IGF2BP2: variants seen among roughly 807,000 people sequenced by gnomAD.
The protein encoded by IGF2BP2 is insulin like growth factor 2 mRNA binding protein 2, also known as insulin-like growth factor 2 mRNA-binding protein 2.
IGF2BP2 carries 17 observed loss-of-function variants against 75.8 expected under a neutral mutation model. The ratio of observed to expected loss-of-function variants is 0.22; its 90% CI spans 0.15 to 0.34. IGF2BP2 has a LOEUF of 0.34. Ranked by LOEUF, IGF2BP2 falls within the 10% of genes least tolerant of loss-of-function variation. IGF2BP2 has a pLI of 1.00. For synonymous variants in IGF2BP2, 288 were observed against 295.6 expected, an observed-to-expected ratio of 0.97 and a Z score of 0.26; for missense variants, 516 against 772.4, an observed-to-expected ratio of 0.67 and a Z score of 3.93.
chr3:185,784,271 C>T (rs185566216), intron 2 of IGF2BP2, among the ~76,000 whole-genome samples: 1 of 151,178 alleles, frequency 6.6e-6, no homozygotes, highest in African/African-American at 2.5e-5. Context: ...GATAGATAGA[C>T]AGACAGACAG....
intron 10 of IGF2BP2, among the ~76,000 whole-genome samples, chr3:185,669,500 T>C (rs1718182935): frequency 7.3e-6 from 1 of 137,742 alleles, no homozygotes; most frequent in South Asian, 2.4e-4. Flanking sequence ...AATTCAAAAG[T>C]ACATACTCCC....
intron 10 of IGF2BP2, among the ~76,000 whole-genome samples, chr3:185,664,636 G>A (rs926802368): frequency 1.3e-5 from 2 of 152,132 alleles, no homozygotes; most frequent in African/African-American, 4.8e-5. Context: ...GAGTGACCCT[G>A]GATATGAAAA....
chr3:185,696,369 T>G, intron 4 of IGF2BP2: 2 of 524,700 alleles, frequency 3.8e-6, no homozygotes. Flanking sequence ...CTGCACAGTA[T>G]ATGAGAAACA....
chr3:185,806,266 T>A (rs908045037), intron 2 of IGF2BP2, among the ~76,000 whole-genome samples: 1 of 152,178 alleles, frequency 6.6e-6, no homozygotes, highest in Non-Finnish European at 1.5e-5. Context: ...GGAAGTCACT[T>A]AAGAGCACAC....
At chr3:185,752,190 C>T (rs1454505661) in intron 2 of IGF2BP2, among the ~76,000 whole-genome samples, 1 of 152,086 alleles carries the variant, frequency 6.6e-6, no homozygotes, top group Non-Finnish European at 1.5e-5. Context: ...TTTCCTCTCT[C>T]GCACATGTTA....
intron 10 of IGF2BP2, among the ~76,000 whole-genome samples, chr3:185,667,206 T>C (rs1206810402): frequency 6.6e-6 from 1 of 152,078 alleles, no homozygotes; most frequent in Non-Finnish European, 1.5e-5. Context: ...AAATTGAATA[T>C]CCATTTCAAA....
intron 2 of IGF2BP2, among the ~76,000 whole-genome samples, chr3:185,813,027 G>A (rs1437818053): frequency 6.6e-6 from 1 of 152,206 alleles, no homozygotes; most frequent in South Asian, 2.1e-4. Context: ...GCAAATCAGT[G>A]AACAAAGAGC....
chr3:185,769,105 G>A (rs1373024641), intron 2 of IGF2BP2, among the ~76,000 whole-genome samples: 3 of 152,158 alleles, frequency 2.0e-5, no homozygotes, highest in African/African-American at 4.8e-5. Context: ...CATTTTGAGA[G>A]ACCAAGGTGG....
At chr3:185,691,871 AC>A (rs1246992405) in intron 5 of IGF2BP2, among the ~76,000 whole-genome samples, 2 of 152,258 alleles carry the variant, frequency 1.3e-5, no homozygotes, top group Non-Finnish European at 2.9e-5. Flanking sequence ...AGTAGCTGGA[AC>A]TACAGGTGCA....
intron 2 of IGF2BP2, among the ~76,000 whole-genome samples, chr3:185,805,997 A>C (rs1372433311): frequency 6.6e-6 from 1 of 151,738 alleles, no homozygotes; most frequent in Non-Finnish European, 1.5e-5. Flanking sequence ...CTGGTCTCAA[A>C]TGCCTGATCT....
chr3:185,820,214 G>C lies in IGF2BP2; in HGVS notation c.239+2939C>G, dbSNP rs138326355. ...AACAAGGCATGCAGTATGTGTGTGT[G>C]TGTATGTGTATATATACACATACAC... is the stretch of plus-strand genomic sequence containing the variant. On this transcript the variant is annotated intron_variant, in intron 2 of 15. Coordinates refer to ENST00000382199, the MANE Select transcript of IGF2BP2 (RefSeq NM_006548.6). Among the ~76,000 whole-genome samples, 172 of 129,386 alleles carry C rather than the reference G, an allele frequency of 1.3e-3. 1 individual carries two copies. Among genetic ancestry groups the C allele is most frequent in the African/African-American group, 5.7e-3 (164 of 28,706 alleles). The allele number at this position is 129,386 out of a possible 152,430, so 84.9% of individuals were successfully genotyped here. A position where few individuals can be genotyped will look rare whatever the true frequency, so the allele number is the denominator to read the frequency against.
intron 2 of IGF2BP2, among the ~76,000 whole-genome samples, chr3:185,818,677 T>C (rs1250324236): frequency 6.6e-6 from 1 of 152,192 alleles, no homozygotes; most frequent in East Asian, 1.9e-4. Context: ...CATCTACTTT[T>C]GAGGGTTTCA....
intron 2 of IGF2BP2, 58 bp downstream of exon 2, chr3:185,823,095 G>A: frequency 1.7e-6 from 2 of 1,200,614 alleles, no homozygotes; most frequent in Non-Finnish European, 2.4e-6. Flanking sequence ...CTGTGTGTAC[G>A]TTTTTTACTT....
intron 2 of IGF2BP2, among the ~76,000 whole-genome samples, chr3:185,730,684 T>C (rs1172681934): frequency 1.3e-5 from 2 of 152,186 alleles, no homozygotes; most frequent in Non-Finnish European, 2.9e-5. Context: ...TCTGCCCACC[T>C]TGGCTTCCCA....
chr3:185,708,726 G>A (rs1257545438), intron 2 of IGF2BP2, among the ~76,000 whole-genome samples: 1 of 152,078 alleles, frequency 6.6e-6, no homozygotes, highest in Non-Finnish European at 1.5e-5. Context: ...CTCAAAGCAT[G>A]GATTGCTCTA....
intron 7 of IGF2BP2, among the ~76,000 whole-genome samples, chr3:185,678,546 A>C (rs1041697503): frequency 2.6e-5 from 4 of 152,160 alleles, no homozygotes; most frequent in Non-Finnish European, 5.9e-5. Flanking sequence ...GAATTTTTTA[A>C]GATTTGTTTT....
At chr3:185,803,504 T>G (rs1250356369) in intron 2 of IGF2BP2, among the ~76,000 whole-genome samples, 5 of 152,252 alleles carry the variant, frequency 3.3e-5, no homozygotes, top group Admixed American at 2.6e-4. Context: ...TTTCACTTTC[T>G]GTTGATTAAA....
Position 185,666,984 on chromosome 3 carries a change from ATTCT to A in IGF2BP2, c.1200+5553_1200+5556del, listed in dbSNP as rs528164790. Among the ~76,000 whole-genome samples, 303 of 152,322 alleles carry A rather than the reference ATTCT, an allele frequency of 2.0e-3. 1 individual carries two copies. Among genetic ancestry groups the A allele is most frequent in the African/African-American group, 7.1e-3 (295 of 41,572 alleles). On this transcript the variant is annotated intron_variant, in intron 10 of 15. Coordinates refer to ENST00000382199, the MANE Select transcript of IGF2BP2 (RefSeq NM_006548.6). ...TAAAAGTTGGCCACCTTTCCAGTTC[ATTCT>A]TTGAGGAAAAAATAACATTGCTGTT...
chr3:185,679,541 TA>T (rs1354399011), intron 7 of IGF2BP2, among the ~76,000 whole-genome samples: 1 of 152,208 alleles, frequency 6.6e-6, no homozygotes, highest in Admixed American at 6.6e-5. Context: ...CCTTACCAGA[TA>T]ACTATATATT....
Sources: gnomAD v4.1 joint callset for allele counts (sites outside exome capture counted in the v4.1 genomes callset) on GRCh38, gnomAD v4.1.1 for gene constraint, MANE v1.5 for transcripts, NCBI Gene and HGNC (gene_info 2026-07-23, HGNC 2026-07-21) for gene names.